The following SMOX variants were observed in gnomAD, a reference collection of about 807,000 sequenced individuals.
The protein encoded by SMOX is spermine oxidase.
In SMOX, 22 loss-of-function variants were observed where a neutral mutation model predicts 51.0. The ratio of observed to expected loss-of-function variants is 0.43; its 90% CI spans 0.31 to 0.62. The LOEUF (loss-of-function observed/expected upper bound fraction) is 0.62. Ranked by LOEUF, SMOX falls within the 20% of genes least tolerant of loss-of-function variation. The pLI is 0.10. For missense variants in SMOX, 566 were observed against 777.7 expected, an observed-to-expected ratio of 0.73 and a Z score of 3.24; for synonymous variants, 282 against 307.8, an observed-to-expected ratio of 0.92 and a Z score of 0.88.
intron 1 of SMOX, among the ~76,000 whole-genome samples, chr20:4,165,368 C>T (rs1986529882): frequency 6.6e-6 from 1 of 152,058 alleles, no homozygotes; most frequent in South Asian, 2.1e-4. Context: ...CTAACTTTTA[C>T]ATTTTTATTT....
chr20:4,168,136 G>T lies in SMOX; in HGVS notation c.-26-6894G>T, dbSNP rs572692162. On this transcript the variant is annotated intron_variant, in intron 1 of 6. Coordinates refer to ENST00000305958, the MANE Select transcript of SMOX (RefSeq NM_175839.3). ...AGCGGGGTAGGGGTGGGGGGGTGGG[G>T]AGGGGGCATGGGGAACTGAGGTGGG... Among the ~76,000 whole-genome samples the T allele has an allele frequency of 1.5e-3, 207 of 140,434 alleles. 4 individuals are homozygous for T. Among genetic ancestry groups the T allele is most frequent in the Non-Finnish European group, 1.4e-4 (9 of 63,858 alleles). The allele number at this position is 140,434 out of a possible 152,430, so 92.1% of individuals were successfully genotyped here.
chr20:4,179,443 T>G (rs1180837639), intron 3 of SMOX, among the ~76,000 whole-genome samples: 1 of 152,232 alleles, frequency 6.6e-6, no homozygotes, highest in Non-Finnish European at 1.5e-5. Flanking sequence ...GTAACCCTGA[T>G]GTCAAGATTT....
intron 6 of SMOX, among the ~76,000 whole-genome samples, chr20:4,186,046 A>G (rs1979706740): frequency 6.6e-6 from 1 of 152,170 alleles, no homozygotes; most frequent in African/African-American, 2.4e-5. Context: ...TCCTGCCCAT[A>G]ATCCCAGCAC....
chr20:4,183,291 CG>C lies in SMOX; in HGVS notation c.1370-198del. 1 of 658,336 alleles carries C rather than the reference CG, an allele frequency of 1.5e-6. No homozygotes were observed. The highest frequency in any genetic ancestry group is 2.6e-6 in the Non-Finnish European group (1 of 387,126). The allele number at this position is 658,336 out of a possible 1,614,324, so 40.8% of individuals were successfully genotyped here. On this transcript the variant is annotated intron_variant, in intron 5 of 6. Coordinates refer to ENST00000305958, the MANE Select transcript of SMOX (RefSeq NM_175839.3). The surrounding 1 kb of genome is among the most constrained non-coding windows in gnomAD (Gnocchi z 4.3). ...GGAAAAGTAAGGTGGAGCGTTTTGC[CG>C]GGGGTCACAGGAGGCGCTGAGTGGG...
Position 4,182,532 on chromosome 20 carries a change from A to G in SMOX, c.1053A>G (p.Thr351=). The G allele has an allele frequency of 6.2e-7, 1 of 1,613,170 alleles. No homozygotes were observed. The highest frequency in any genetic ancestry group is 8.5e-7 in the Non-Finnish European group (1 of 1,179,476). Residue 351 remains threonine, a synonymous_variant, in exon 5 of 7, where the codon ACA becomes ACG. Coordinates refer to ENST00000305958, the MANE Select transcript of SMOX (RefSeq NM_175839.3). This position sits in a 1 kb window ranked among gnomAD's most constrained non-coding sequence, Gnocchi z 8.4. The stretch of plus-strand genomic sequence containing the variant: ...GTTTCTTCCGGCCAGGCCTGCCCAC[A>G]GAGAAGGTGGCTGCCATCCACCGCC... ...YTSFFRPGLP[T]EKVAAIHRLG... is the part of the protein sequence containing the mutation.
chr20:4,164,955 G>C (rs1245939998), intron 1 of SMOX, among the ~76,000 whole-genome samples: 1 of 151,654 alleles, frequency 6.6e-6, no homozygotes, highest in Non-Finnish European at 1.5e-5. Flanking sequence ...ATGGCTCATT[G>C]CAGCCTTACA....
Position 4,183,683 on chromosome 20 carries a change from G to A in SMOX, c.1530+29G>A, listed in dbSNP as rs1363693017. On this transcript the variant is annotated intron_variant, in intron 6 of 6. Transcript: ENST00000305958. This position sits in a 1 kb window ranked among gnomAD's most constrained non-coding sequence, Gnocchi z 4.3. ...AGCGGGGCGTTTGGGGTGAGGAGGG[G>A]AGTTGTGGGTGTATTTTGTATGTGT... 2 of 1,540,918 alleles carry A rather than the reference G, an allele frequency of 1.3e-6. No homozygotes were observed. Among genetic ancestry groups the A allele is most frequent in the Non-Finnish European group, 8.7e-7 (1 of 1,147,528 alleles).
intron 6 of SMOX, chr20:4,186,633 C>T: frequency 1.4e-6 from 1 of 699,026 alleles, no homozygotes; most frequent in Non-Finnish European, 2.6e-6. Flanking sequence ...TTTGTGGGAT[C>T]CCCTGACACT....
chr20:4,177,335 C>T lies in SMOX; in HGVS notation c.209-16C>T, dbSNP rs1420702949. On this transcript the variant is annotated splice_polypyrimidine_tract_variant and intron_variant, in intron 2 of 6. Coordinates refer to ENST00000305958, the MANE Select transcript of SMOX (RefSeq NM_175839.3). The surrounding 1 kb of genome is among the most constrained non-coding windows in gnomAD (Gnocchi z 4.3). ...AAGTCCCTAAGCCTCTAAGGGCCTG[C>T]TGTTGTCACCCTCAGGACACGCCAC... 1.3e-6 allele frequency: 2 copies of T among 1,550,446 alleles called. No homozygotes were observed. Among genetic ancestry groups the T allele is most frequent in the East Asian group, 2.4e-5 (1 of 40,910 alleles).
rs1337091249 is a variant in SMOX at position 4,177,201 on chromosome 20, C to G, written c.209-150C>G. Reference sequence around the variant, plus strand: ...TTCAGTGGGAACTTTTCACTGAGGACCTTCGTTGGTTGCCAGCAGTGGAAG... The same window carrying G: ...TTCAGTGGGAACTTTTCACTGAGGAGCTTCGTTGGTTGCCAGCAGTGGAAG... On this transcript the variant is annotated intron_variant, in intron 2 of 6. Coordinates refer to ENST00000305958, the MANE Select transcript of SMOX (RefSeq NM_175839.3). This position sits in a 1 kb window ranked among gnomAD's most constrained non-coding sequence, Gnocchi z 4.3. The G allele has an allele frequency of 6.5e-5, 44 of 680,100 alleles. No homozygotes were observed. Among genetic ancestry groups the G allele is most frequent in the Non-Finnish European group, 1.2e-5 (5 of 403,610 alleles). 42.1% of individuals were successfully genotyped at this position (680,100 alleles called of 1,614,324 possible).
intron 1 of SMOX, among the ~76,000 whole-genome samples, chr20:4,165,145 C>T (rs1986513608): frequency 6.6e-6 from 1 of 150,772 alleles, no homozygotes; most frequent in African/African-American, 2.4e-5. Context: ...ACCTCCGCCT[C>T]CGAGGTTCAA....
chr20:4,182,091 GGA>G lies in SMOX; in HGVS notation c.616_617del (p.Ser206LeufsTer2). On this transcript the variant is annotated frameshift_variant, in exon 5 of 7. Coordinates refer to ENST00000305958, the MANE Select transcript of SMOX (RefSeq NM_175839.3). LOFTEE classifies it high-confidence loss of function. The surrounding 1 kb of genome is among the most constrained non-coding windows in gnomAD (Gnocchi z 8.4). The stretch of plus-strand genomic sequence containing the variant: ...CTTCTCCTTGGGTCTTCCCGCAGGT[GGA>G]GAGCTGTGAGAGCAGCTCACACAGC... Reference protein sequence around the residue: ...LAMIQQYLKVESCESSSHSMD... With the variant: ...LAMIQQYLKVXSCESSSHSMD... The G allele has an allele frequency of 6.3e-7, 1 of 1,588,360 alleles. No homozygotes were observed. Among genetic ancestry groups the G allele is most frequent in the Non-Finnish European group, 8.6e-7 (1 of 1,164,594 alleles).
chr20:4,149,052 C>T lies in SMOX; in HGVS notation c.-27+75C>T, dbSNP rs1985586363. ...CGGGCGCAGGCAGGGGCTGCGGCCGCCGCGAGAGGGTGAGGGGCCCGGAGC... is the reference window on the plus strand; with the variant it reads ...CGGGCGCAGGCAGGGGCTGCGGCCGTCGCGAGAGGGTGAGGGGCCCGGAGC... On this transcript the variant is annotated intron_variant, in intron 1 of 6. Transcript: ENST00000305958. The surrounding 1 kb of genome is among the most constrained non-coding windows in gnomAD (Gnocchi z 6.0). The T allele has an allele frequency of 1.3e-5, 2 of 150,374 alleles. No individual in the cohort carries two copies. The highest frequency in any genetic ancestry group is 6.6e-5 in the Admixed American group (1 of 15,192). 9.3% of individuals were successfully genotyped at this position (150,374 alleles called of 1,614,324 possible). A position where few individuals can be genotyped will look rare whatever the true frequency, so the allele number is the denominator to read the frequency against.
At chr20:4,184,745 C>G (rs1387850721) in intron 6 of SMOX, among the ~76,000 whole-genome samples, 5 of 152,238 alleles carry the variant, frequency 3.3e-5, no homozygotes, top group Non-Finnish European at 7.3e-5. Context: ...GCCCTTTCTG[C>G]TGCCACAGCC....
chr20:4,179,868 G>A (rs574404623), intron 3 of SMOX, among the ~76,000 whole-genome samples: 22 of 152,278 alleles, frequency 1.4e-4, no homozygotes, highest in African/African-American at 5.1e-4. Flanking sequence ...AGACCTGTCC[G>A]ATTTTCCTTG....
intron 1 of SMOX, among the ~76,000 whole-genome samples, chr20:4,163,818 T>C (rs1015248011): frequency 6.6e-6 from 1 of 152,206 alleles, no homozygotes; most frequent in South Asian, 2.1e-4. Flanking sequence ...ACATGGTGAC[T>C]GGCTTCTCCC....
rs1449255256 is a variant in SMOX at position 4,153,707 on chromosome 20, T to C, written c.-27+4730T>C. Among the ~76,000 whole-genome samples, 1 of 152,158 alleles carries C rather than the reference T, an allele frequency of 6.6e-6. No individual in the cohort carries two copies. The highest frequency in any genetic ancestry group is 1.5e-5 in the Non-Finnish European group (1 of 68,018). On this transcript the variant is annotated intron_variant, in intron 1 of 6. Transcript: ENST00000305958. The surrounding 1 kb of genome is among the most constrained non-coding windows in gnomAD (Gnocchi z 4.4). Reference sequence around the variant, plus strand: ...TGGAAACTGAGGCACAGGGAAAACATTGCTGTTGGAAGCTCACCAGCCTTC... The same window carrying C: ...TGGAAACTGAGGCACAGGGAAAACACTGCTGTTGGAAGCTCACCAGCCTTC...
At chr20:4,164,345 C>T (rs1986460510) in intron 1 of SMOX, among the ~76,000 whole-genome samples, 1 of 152,192 alleles carries the variant, frequency 6.6e-6, no homozygotes, top group Non-Finnish European at 1.5e-5. Flanking sequence ...AGGACTATTG[C>T]TGCTACACAT....
chr20:4,152,913 T>G (rs1007092864), intron 1 of SMOX, among the ~76,000 whole-genome samples: 1 of 151,994 alleles, frequency 6.6e-6, no homozygotes, highest in African/African-American at 2.4e-5. Flanking sequence ...AATAACAGAG[T>G]AAGGATTGAA....
Sources: gnomAD v4.1 joint callset for allele counts (sites outside exome capture counted in the v4.1 genomes callset) on GRCh38, gnomAD v4.1.1 for gene constraint, Gnocchi (gnomAD v3.1) non-coding constraint, MANE v1.5 for transcripts, NCBI Gene and HGNC (gene_info 2026-07-23, HGNC 2026-07-21) for gene names.